NHS: variants seen among roughly 807,000 people sequenced by gnomAD.
The protein encoded by NHS is NHS actin remodeling regulator.
A neutral mutation model predicts 72.5 loss-of-function variants in NHS; 5 were observed. The ratio of observed to expected loss-of-function variants is 0.07; its 90% confidence interval spans 0.04 to 0.14. The LOEUF is 0.14. Ranked by LOEUF, NHS falls within the 10% of genes least tolerant of loss-of-function variation. The probability of loss-of-function intolerance (pLI) is 1.00; values close to 1 mark genes in which losing one functional copy is unlikely to be tolerated. For missense variants in NHS, 1,072 were observed against 1,355.7 expected (o/e 0.79, Z 3.29); for synonymous variants, 464 against 547.7 (o/e 0.85, Z 2.13).
At chrX:17,668,570 C>T (rs758997878) in intron 1 of NHS, among the ~76,000 whole-genome samples, 6 of 110,461 alleles carry the variant, frequency 5.4e-5, no homozygotes, top group Non-Finnish European at 1.1e-4. Flanking sequence ...TCTCTTACCA[C>T]ACATTTTCAC....
chrX:17,510,445 T>A (rs1363177209), intron 1 of NHS, among the ~76,000 whole-genome samples: 1 of 112,443 alleles, frequency 8.9e-6, no homozygotes, highest in African/African-American at 3.2e-5. Flanking sequence ...CTTGTTGGAA[T>A]ATTTGTTCCT....
intron 1 of NHS, among the ~76,000 whole-genome samples, chrX:17,459,218 G>A (rs1036378527): frequency 1.8e-5 from 2 of 112,532 alleles, no homozygotes; most frequent in South Asian, 3.7e-4. Flanking sequence ...CCAAGTCTGC[G>A]GAGACTGTGA....
At chrX:17,551,253 C>A (rs998962955) in intron 1 of NHS, among the ~76,000 whole-genome samples, 2 of 111,805 alleles carry the variant, frequency 1.8e-5, no homozygotes, top group Non-Finnish European at 3.8e-5. Flanking sequence ...AACACTGTAC[C>A]TGCAGGTCCT....
At chrX:17,541,188 C>T (rs2065260811) in intron 1 of NHS, among the ~76,000 whole-genome samples, 1 of 112,357 alleles carries the variant, frequency 8.9e-6, no homozygotes, top group Non-Finnish European at 1.9e-5. Context: ...TGCCATTGTT[C>T]TCATTTCACA....
chrX:17,521,980 T>C (rs1306951146), intron 1 of NHS, among the ~76,000 whole-genome samples: 1 of 112,210 alleles, frequency 8.9e-6, no homozygotes, highest in Non-Finnish European at 1.9e-5. Context: ...TTCGTTTTGG[T>C]TTGGCAGAGG....
intron 1 of NHS, among the ~76,000 whole-genome samples, chrX:17,671,784 A>G (rs2066047981): frequency 8.9e-6 from 1 of 112,168 alleles, no homozygotes; most frequent in Non-Finnish European, 1.9e-5. Flanking sequence ...TAGTCTAGAA[A>G]TCATGTCTTC....
intron 1 of NHS, among the ~76,000 whole-genome samples, chrX:17,495,610 A>C (rs1215011543): frequency 8.9e-6 from 1 of 111,836 alleles, no homozygotes; most frequent in Non-Finnish European, 1.9e-5. Context: ...TTATGCTCCT[A>C]GGCAGCCTGA....
intron 1 of NHS, among the ~76,000 whole-genome samples, chrX:17,457,257 G>T (rs1423161337): frequency 9.0e-6 from 1 of 111,681 alleles, no homozygotes; most frequent in African/African-American, 3.3e-5. Context: ...ATAACCTGAG[G>T]GTGGGTAATT....
intron 1 of NHS, among the ~76,000 whole-genome samples, chrX:17,632,082 G>T (rs7055575): frequency 0.057 from 6,398 of 111,950 alleles, 432 homozygotes; most frequent in African/African-American, 0.2. Flanking sequence ...GGGAGACCTG[G>T]ATATGTAGAA....
chrX:17,535,430 C>T (rs2065218399), intron 1 of NHS, among the ~76,000 whole-genome samples: 1 of 111,600 alleles, frequency 9.0e-6, no homozygotes, highest in Admixed American at 9.5e-5. Flanking sequence ...GGGGCAGCAC[C>T]ATCCCTAGTC....
At chrX:17,719,820 G>A (rs979240079) in intron 4 of NHS, among the ~76,000 whole-genome samples, 2 of 111,955 alleles carry the variant, frequency 1.8e-5, no homozygotes, top group Non-Finnish European at 3.8e-5. Context: ...GCTGGTCAGA[G>A]CTTGTAGTCA....
At chrX:17,704,914 CCT>C (rs2066287427) in intron 3 of NHS, among the ~76,000 whole-genome samples, 2 of 111,961 alleles carry the variant, frequency 1.8e-5, no homozygotes, top group Non-Finnish European at 3.8e-5. Flanking sequence ...CATTCACACC[CCT>C]GTTGGGTGAC....
intron 1 of NHS, among the ~76,000 whole-genome samples, chrX:17,452,493 TTTTTTTTTTTG>T (rs2064809647): frequency 9.6e-6 from 1 of 104,047 alleles, no homozygotes; most frequent in African/African-American, 3.6e-5. Context: ...CTTTCTGTGT[TTTTTTTTTTTG>T]TTTTTGTTTT....
rs112331984 is a variant in NHS at position 17,676,705 on chromosome X, C to T, written c.566-11037C>T. The stretch of plus-strand genomic sequence containing the variant: ...TTGGGTCAAGCCCCCATTTCTCCTA[C>T]CCTGGTTTAAGCTCAGGCGTGGAAG... On this transcript the variant is annotated intron_variant, in intron 1 of 8. Transcript: ENST00000676302. Among the ~76,000 whole-genome samples the T allele has an allele frequency of 1.5e-3, 168 of 112,201 alleles. 1 individual carries two copies. The highest frequency in any genetic ancestry group is 5.2e-3 in the African/African-American group (162 of 30,909).
At chrX:17,571,916 G>A (rs1193626163) in intron 1 of NHS, among the ~76,000 whole-genome samples, 1 of 111,861 alleles carries the variant, frequency 8.9e-6, no homozygotes, top group African/African-American at 3.3e-5. Context: ...CCTTGATTTC[G>A]TTATGTACCC....
intron 1 of NHS, among the ~76,000 whole-genome samples, chrX:17,442,702 C>T (rs925723568): frequency 2.7e-5 from 3 of 112,340 alleles, no homozygotes; most frequent in Admixed American, 1.9e-4. Context: ...GCTCTTTATT[C>T]GAAAGCAAAA....
chrX:17,407,663 G>C (rs1435304005), intron 1 of NHS, among the ~76,000 whole-genome samples: 1 of 112,078 alleles, frequency 8.9e-6, no homozygotes, highest in South Asian at 3.7e-4. Flanking sequence ...TTCAGATACT[G>C]TGTAGTGATC....
chrX:17,507,250 A>T (rs1019708363), intron 1 of NHS, among the ~76,000 whole-genome samples: 9 of 112,379 alleles, frequency 8.0e-5, no homozygotes, highest in African/African-American at 2.6e-4. Context: ...TACTTAGTTC[A>T]TGGATCATTA....
intron 1 of NHS, among the ~76,000 whole-genome samples, chrX:17,682,077 T>C (rs2066132906): frequency 9.1e-6 from 1 of 110,453 alleles, no homozygotes; most frequent in African/African-American, 3.3e-5. Context: ...TTGCTCTCCT[T>C]GTACTTTACC....
Sources: allele counts gnomAD v4.1 joint callset (sites outside exome capture counted in the v4.1 genomes callset), GRCh38; gene constraint gnomAD v4.1.1; transcripts MANE v1.5; gene names NCBI Gene and HGNC (gene_info 2026-07-23, HGNC 2026-07-21).